VPS13B: variants seen among roughly 807,000 people sequenced by gnomAD.
The protein encoded by VPS13B is vacuolar protein sorting 13 homolog B.
Under a neutral mutation model 426.4 loss-of-function variants are expected in VPS13B, and 285 were observed. The ratio of observed to expected loss-of-function variants is 0.67; its 90% confidence interval spans 0.61 to 0.74. VPS13B has a LOEUF of 0.74. Ranked by LOEUF, VPS13B falls within the 30% of genes least tolerant of loss-of-function variation. The pLI is 0.00. For missense variants in VPS13B, 4,537 were observed against 4,782.6 expected (o/e 0.95, Z 1.51); for synonymous variants, 1,676 against 1,676.4 (o/e 1.00, Z 0.01).
chr8:99,149,361 A>G (rs957996175), intron 14 of VPS13B, among the ~76,000 whole-genome samples: 9 of 152,314 alleles, frequency 5.9e-5, no homozygotes, highest in African/African-American at 1.9e-4. Flanking sequence ...TCTGTTGCCT[A>G]GGCTAGAGAG....
chr8:99,577,635 TAAC>T lies in VPS13B; in HGVS notation c.5220+3_5220+5del, dbSNP rs759095135. 1.2e-6 allele frequency: 2 copies of T among 1,613,272 alleles called. No individual in the cohort carries two copies. Among genetic ancestry groups the T allele is most frequent in the African/African-American group, 2.7e-5 (2 of 74,918 alleles). ...GAACCATCAAACAAGGCTGCAGAGG[TAAC>T]TGTTACCTGATTTTGATCAGGCTTA... is the stretch of plus-strand genomic sequence containing the variant. On this transcript the variant is annotated splice_donor_5th_base_variant and intron_variant, in intron 33 of 61. Transcript: ENST00000357162.
chr8:99,219,353 G>C (rs1057357599), intron 17 of VPS13B, among the ~76,000 whole-genome samples: 1 of 152,194 alleles, frequency 6.6e-6, no homozygotes, highest in African/African-American at 2.4e-5. Flanking sequence ...CAGTGAATCA[G>C]ACTCTGACAT....
chr8:99,403,175 C>G (rs1815132929), intron 21 of VPS13B, among the ~76,000 whole-genome samples: 1 of 152,196 alleles, frequency 6.6e-6, no homozygotes, highest in Non-Finnish European at 1.5e-5. Context: ...TTAACCTTCT[C>G]TTACTGAACA....
chr8:99,136,978 A>G (rs1027464697), intron 12 of VPS13B, among the ~76,000 whole-genome samples: 6 of 152,200 alleles, frequency 3.9e-5, no homozygotes, highest in Non-Finnish European at 8.8e-5. Context: ...ATAACCTGTT[A>G]GAATTAGTTC....
At chr8:99,128,386 CAAAAAAAAAAAAAAA>C (rs71273165) in intron 8 of VPS13B, among the ~76,000 whole-genome samples, 11 of 34,220 alleles carry the variant, frequency 3.2e-4, no homozygotes, top group African/African-American at 6.7e-4. Context: ...GATACTGTCC[CAAAAAAAAAAAAAAA>C]AAAAAAAAAA....
chr8:99,349,059 C>T (rs572813816), intron 19 of VPS13B, among the ~76,000 whole-genome samples: 21 of 151,688 alleles, frequency 1.4e-4, no homozygotes, highest in African/African-American at 4.1e-4. Flanking sequence ...AGCGGCCGGG[C>T]GCGGTGGCTC....
At position 99,854,132 on chromosome 8, in the gene VPS13B, C is replaced by G; in HGVS notation, c.10743C>G (p.Tyr3581Ter). 1.9e-6 allele frequency: 3 copies of G among 1,613,620 alleles called. No individual in the cohort carries two copies. The highest frequency in any genetic ancestry group is 1.7e-6 in the Non-Finnish European group (2 of 1,179,924). Residue 3581 changes from tyrosine (Y) to a stop codon, truncating the protein, a stop_gained, in exon 56 of 62, where the codon TAC (tyrosine) becomes TAG (stop). Transcript: ENST00000357162. LOFTEE classifies it high-confidence loss of function. ...LVSIHASLKL[Y>*]IASDHTPLSF... ...GCATCCACGCTTCCCTCAAGCTGTA[C>G]ATAGCCTCAGACCACACTCCTCTCT... is the stretch of plus-strand genomic sequence containing the variant.
intron 40 of VPS13B, among the ~76,000 whole-genome samples, chr8:99,767,339 T>G (rs1811276458): frequency 6.6e-6 from 1 of 151,786 alleles, no homozygotes; most frequent in Non-Finnish European, 1.5e-5. Flanking sequence ...ATAATCAATA[T>G]GTGTAATGAT....
chr8:99,866,119 C>T (rs62534626), intron 58 of VPS13B, among the ~76,000 whole-genome samples: 27,229 of 152,266 alleles, frequency 0.18, 2,558 homozygotes, highest in African/African-American at 0.23. Flanking sequence ...TCCATGTGGT[C>T]GCCCACCCCA....
intron 3 of VPS13B, among the ~76,000 whole-genome samples, chr8:99,050,655 G>A (rs1035639627): frequency 2.6e-5 from 4 of 152,190 alleles, no homozygotes; most frequent in Non-Finnish European, 5.9e-5. Context: ...CACCAACAGT[G>A]TAAAAGTGTT....
At chr8:99,562,948 A>T (rs1825008376) in intron 31 of VPS13B, among the ~76,000 whole-genome samples, 1 of 152,164 alleles carries the variant, frequency 6.6e-6, no homozygotes, top group Non-Finnish European at 1.5e-5. Context: ...TGAAGCCAGG[A>T]GTTTAAGATC....
Position 99,766,839 on chromosome 8 carries a change from T to C in VPS13B, c.7116T>C (p.Asn2372=). 6 of 1,614,054 alleles carry C rather than the reference T, an allele frequency of 3.7e-6. No individual in the cohort carries two copies. Among genetic ancestry groups the C allele is most frequent in the Non-Finnish European group, 5.1e-6 (6 of 1,179,978 alleles). ...QKVFVAFREF[N]LSESKVCELQ... ...TTTTTGTTGCATTTAGAGAATTTAA[T>C]CTGTCTGAAAGCAAAGTTTGTGAAC... is the stretch of plus-strand genomic sequence containing the variant. The change falls in exon 40 of 62, where the codon AAT becomes AAC. Residue 2372 remains asparagine (N), a synonymous_variant. Transcript: ENST00000357162.
At chr8:99,839,478 C>T (rs1447822315) in intron 54 of VPS13B, among the ~76,000 whole-genome samples, 1 of 152,138 alleles carries the variant, frequency 6.6e-6, no homozygotes, top group East Asian at 1.9e-4. Flanking sequence ...GAAGATAAAG[C>T]CTTTGATCAC....
intron 8 of VPS13B, among the ~76,000 whole-genome samples, chr8:99,123,577 G>T (rs1848053205): frequency 6.6e-6 from 1 of 152,088 alleles, no homozygotes; most frequent in Non-Finnish European, 1.5e-5. Flanking sequence ...TGGCTGCTGT[G>T]TTGAAAGCAA....
chr8:99,655,033 T>C (rs1199369294), intron 34 of VPS13B, among the ~76,000 whole-genome samples: 2 of 152,168 alleles, frequency 1.3e-5, no homozygotes, highest in South Asian at 4.1e-4. Context: ...CTCTTTGAAA[T>C]AGAAGTTCTG....
At chr8:99,255,625 G>A (rs971571217) in intron 17 of VPS13B, among the ~76,000 whole-genome samples, 2 of 152,152 alleles carry the variant, frequency 1.3e-5, no homozygotes, top group Admixed American at 6.5e-5. Flanking sequence ...TAAGGCCAGG[G>A]GGGATTCTTG....
At position 99,240,042 on chromosome 8, in the gene VPS13B, C is replaced by G. The variant is rs1452156311; in HGVS notation, c.2516-34156C>G. The stretch of plus-strand genomic sequence containing the variant: ...AAGAGGAAGTGTGAACCCCCTGATG[C>G]CAGAGACTGCTGTTTCTTGATTACT... On this transcript the variant is annotated intron_variant, in intron 17 of 61. Transcript: ENST00000357162. 2.6e-5 allele frequency among the ~76,000 whole-genome samples: 4 copies of G among 152,064 alleles called. No homozygotes were observed. The East Asian group carries it at 7.7e-4, about 29-fold the overall frequency.
intron 17 of VPS13B, among the ~76,000 whole-genome samples, chr8:99,203,967 C>T (rs978730135): frequency 6.6e-6 from 1 of 152,188 alleles, no homozygotes; most frequent in Non-Finnish European, 1.5e-5. Context: ...ATATCCCCAT[C>T]AAGCTACCAT....
At chr8:99,803,825 T>C (rs1360368792) in intron 43 of VPS13B, among the ~76,000 whole-genome samples, 1 of 152,218 alleles carries the variant, frequency 6.6e-6, no homozygotes, top group Non-Finnish European at 1.5e-5. Context: ...TTAATTTCGA[T>C]TCAATTGACT....
Sources: gnomAD v4.1 joint callset for allele counts (sites outside exome capture counted in the v4.1 genomes callset) on GRCh38, gnomAD v4.1.1 for gene constraint, MANE v1.5 for transcripts, NCBI Gene and HGNC (gene_info 2026-07-23, HGNC 2026-07-21) for gene names.